GRID2: variants seen among roughly 807,000 people sequenced by gnomAD.
The protein encoded by GRID2 is glutamate receptor ionotropic, delta-2.
Under a neutral mutation model 114.8 loss-of-function variants are expected in GRID2, and 33 were observed. The observed-to-expected ratio is 0.29, with a 90% CI of 0.22 to 0.38. GRID2 has a LOEUF of 0.38. GRID2 is among the 10% of genes least tolerant of loss of function. GRID2 has a pLI of 1.00. For synonymous variants in GRID2, 505 were observed against 449.9 expected, an observed-to-expected ratio of 1.12 and a Z score of -1.55; for missense variants, 1,184 against 1,257.7, an observed-to-expected ratio of 0.94 and a Z score of 0.89.
intron 2 of GRID2, among the ~76,000 whole-genome samples, chr4:92,804,262 T>TG (rs1280309872): frequency 2.6e-5 from 4 of 152,032 alleles, no homozygotes; most frequent in African/African-American, 9.7e-5. Context: ...TTAAATCATA[T>TG]GGAAAAATAT....
At chr4:93,601,172 T>C (rs1042665049) in intron 13 of GRID2, among the ~76,000 whole-genome samples, 5 of 152,170 alleles carry the variant, frequency 3.3e-5, no homozygotes, top group African/African-American at 1.2e-4. Context: ...CTACAAATGG[T>C]TGTACTGTGT....
At chr4:92,642,396 T>C (rs1300089171) in intron 2 of GRID2, among the ~76,000 whole-genome samples, 3 of 151,924 alleles carry the variant, frequency 2.0e-5, no homozygotes, top group South Asian at 4.1e-4. Context: ...TTCGTGATGA[T>C]AAGCATTTTT....
intron 2 of GRID2, among the ~76,000 whole-genome samples, chr4:92,687,251 C>A (rs1320624323): frequency 6.6e-6 from 1 of 150,758 alleles, no homozygotes; most frequent in Non-Finnish European, 1.5e-5. Context: ...CTTGTGCAAA[C>A]CTGCTCTTTT....
At chr4:93,340,681 T>G (rs1302985356) in intron 8 of GRID2, among the ~76,000 whole-genome samples, 1 of 152,194 alleles carries the variant, frequency 6.6e-6, no homozygotes, top group Non-Finnish European at 1.5e-5. Flanking sequence ...GTTTACTGAC[T>G]GGTGGAGAGG....
At chr4:92,801,883 A>G (rs72663577) in intron 2 of GRID2, among the ~76,000 whole-genome samples, 44,828 of 151,696 alleles carry the variant, frequency 0.3, 7,115 homozygotes, top group Middle Eastern at 0.45. Context: ...TTAAATCGCT[A>G]TTCCTCTGTC....
At chr4:92,751,191 G>T (rs558701571) in intron 2 of GRID2, among the ~76,000 whole-genome samples, 1 of 152,112 alleles carries the variant, frequency 6.6e-6, no homozygotes, top group African/African-American at 2.4e-5. Flanking sequence ...ATTTTATCAG[G>T]TTTTAAAATA....
chr4:92,679,410 C>T, intron 2 of GRID2, among the ~76,000 whole-genome samples: 1 of 152,002 alleles, frequency 6.6e-6, no homozygotes, highest in East Asian at 1.9e-4. Context: ...CATACAGAAC[C>T]ATTACCCTCT....
At position 93,124,450 on chromosome 4, in the gene GRID2, A is replaced by G. The variant is rs34690343; in HGVS notation, c.735+13497A>G. 7.1e-3 allele frequency among the ~76,000 whole-genome samples: 1,088 copies of G among 152,310 alleles called. 8 individuals carry two copies. The highest frequency in any genetic ancestry group is 0.017 in the Middle Eastern group (5 of 294). ...TGCTTAGTACATAAATGGCAAATACATGCTACAAGTGCTATTAATTCCATT... is the reference window on the plus strand; with the variant it reads ...TGCTTAGTACATAAATGGCAAATACGTGCTACAAGTGCTATTAATTCCATT... On this transcript the variant is annotated intron_variant, in intron 4 of 15. Coordinates refer to ENST00000282020, the MANE Select transcript of GRID2 (RefSeq NM_001510.4).
intron 1 of GRID2, among the ~76,000 whole-genome samples, chr4:92,431,249 A>G (rs1246792017): frequency 3.9e-5 from 6 of 152,136 alleles, no homozygotes; most frequent in East Asian, 3.9e-4. Flanking sequence ...TTTGTCATAT[A>G]TGGCTTGTAT....
intron 11 of GRID2, among the ~76,000 whole-genome samples, chr4:93,470,284 C>A (rs1355131033): frequency 6.6e-6 from 1 of 152,022 alleles, no homozygotes; most frequent in Admixed American, 6.6e-5. Context: ...AACTGATGAA[C>A]CAAAAGAGAG....
chr4:93,143,614 G>T (rs1250812772), intron 4 of GRID2, among the ~76,000 whole-genome samples: 1 of 152,072 alleles, frequency 6.6e-6, no homozygotes, highest in Non-Finnish European at 1.5e-5. Flanking sequence ...TTCCACTTTA[G>T]AATAGTATAT....
At chr4:93,308,902 G>T (rs1293616213) in intron 8 of GRID2, among the ~76,000 whole-genome samples, 4 of 152,252 alleles carry the variant, frequency 2.6e-5, no homozygotes, top group East Asian at 3.9e-4. Flanking sequence ...TATTTTGAGG[G>T]TGGGTGTAAG....
intron 2 of GRID2, among the ~76,000 whole-genome samples, chr4:92,901,208 T>C (rs1747559222): frequency 6.6e-6 from 1 of 152,210 alleles, no homozygotes. Context: ...GTATAAGCAT[T>C]CACTTTTCTC....
intron 2 of GRID2, among the ~76,000 whole-genome samples, chr4:92,998,521 G>A (rs1755340810): frequency 6.6e-6 from 1 of 151,924 alleles, no homozygotes; most frequent in Admixed American, 6.6e-5. Flanking sequence ...TTGCAGTGTA[G>A]TACCACATGC....
intron 2 of GRID2, among the ~76,000 whole-genome samples, chr4:92,800,782 G>C (rs1740121018): frequency 6.6e-6 from 1 of 151,878 alleles, no homozygotes; most frequent in Non-Finnish European, 1.5e-5. Context: ...TTATGCCTAG[G>C]CCACTCTTGG....
At chr4:92,536,107 C>T (rs1191044391) in intron 1 of GRID2, among the ~76,000 whole-genome samples, 2 of 152,210 alleles carry the variant, frequency 1.3e-5, no homozygotes, top group Non-Finnish European at 2.9e-5. Context: ...CGTGAGCAGG[C>T]TGCCACTGCT....
At chr4:93,391,067 C>T (rs1036531520) in intron 8 of GRID2, among the ~76,000 whole-genome samples, 17 of 152,000 alleles carry the variant, frequency 1.1e-4, no homozygotes, top group Admixed American at 8.5e-4. Flanking sequence ...ATCTCAAGAA[C>T]GACTACTACT....
intron 13 of GRID2, among the ~76,000 whole-genome samples, chr4:93,561,447 T>G (rs1375525481): frequency 6.6e-6 from 1 of 152,084 alleles, no homozygotes; most frequent in Non-Finnish European, 1.5e-5. Flanking sequence ...CGTATACCAT[T>G]TGCCCCTAAA....
At chr4:92,524,324 G>A (rs976792842) in intron 1 of GRID2, among the ~76,000 whole-genome samples, 2 of 151,126 alleles carry the variant, frequency 1.3e-5, no homozygotes, top group African/African-American at 4.9e-5. Context: ...AGGTCTATAG[G>A]TCAGAAGTCT....
Sources: allele counts gnomAD v4.1 joint callset (sites outside exome capture counted in the v4.1 genomes callset), GRCh38; gene constraint gnomAD v4.1.1; transcripts MANE v1.5; gene names NCBI Gene and HGNC (gene_info 2026-07-23, HGNC 2026-07-21).